MXRA8: variants seen among roughly 807,000 people sequenced by gnomAD.
The protein encoded by MXRA8 is matrix remodeling-associated protein 8.
Under a neutral mutation model 51.4 loss-of-function variants are expected in MXRA8, and 44 were observed. The observed-to-expected ratio is 0.86, with a 90% CI of 0.67 to 1.10. MXRA8 has a LOEUF of 1.10. Among genes scored for constraint, MXRA8 ranks in the 50% least tolerant of loss-of-function variants. MXRA8 has a pLI of 0.00. For synonymous variants in MXRA8, 369 were observed against 293.5 expected (o/e 1.26, Z -2.63); for missense variants, 765 against 638.9 (o/e 1.20, Z -2.13).
chr1:1,356,956 C>G lies in MXRA8; in HGVS notation c.50-252G>C, dbSNP rs112254327. ...GGCCAGGGCCAGGCTCCAAGCCAGC[C>G]GGTTCTGGGGTGTGTGCTTGTCACC... is the stretch of plus-strand genomic sequence containing the variant. On this transcript the variant is annotated intron_variant, in intron 1 of 9. Coordinates refer to ENST00000309212, the MANE Select transcript of MXRA8 (RefSeq NM_032348.4). 2.4e-4 allele frequency among the ~76,000 whole-genome samples: 37 copies of G among 152,286 alleles called. 1 individual carries two copies. Among genetic ancestry groups the G allele is most frequent in the African/African-American group, 8.2e-4 (34 of 41,540 alleles).
At position 1,357,242 on chromosome 1, in the gene MXRA8, T is replaced by C. The variant is rs1252246890; in HGVS notation, c.50-538A>G. ...CGCGTTGCTGCTTGAGGGACTCTCA[T>C]TGTCGTAGGCCGCCTCGGCATCCAC... is the stretch of plus-strand genomic sequence containing the variant. On this transcript the variant is annotated intron_variant, in intron 1 of 9. Transcript: ENST00000309212. 2.6e-5 allele frequency among the ~76,000 whole-genome samples: 4 copies of C among 152,162 alleles called. No homozygotes were observed. The East Asian group carries it at 5.8e-4, about 22-fold the overall frequency.
upstream of MXRA8, among the ~76,000 whole-genome samples, chr1:1,360,370 G>A (rs569528631): frequency 2.6e-5 from 4 of 152,322 alleles, no homozygotes; most frequent in South Asian, 2.1e-4. Context: ...CTCCCTGTCC[G>A]GCCCTCAGTG....
chr1:1,358,840 C>A, upstream of MXRA8: 1 of 1,097,798 alleles, frequency 9.1e-7, no homozygotes, highest in Non-Finnish European at 1.1e-6. Flanking sequence ...AGGAGCCTCC[C>A]GGGCCTGTGG....
Position 1,355,009 on chromosome 1 carries a change from C to T in MXRA8, c.622G>A (p.Asp208Asn), listed in dbSNP as rs1644092209. 6.2e-7 allele frequency: 1 copy of T among 1,605,322 alleles called. No homozygotes were observed. The change falls in exon 5 of 10, where the codon GAC becomes AAC. Residue 208 changes from aspartate to asparagine, a missense_variant. Asp to Asn is a conservative substitution (Grantham distance 23). Transcript: ENST00000309212. ...TGCGGGACCCCGGGCGGCTGCCGGTCCCAGTGCACCACCTGTTGAGCCTCC... is the reference window on the plus strand; with the variant it reads ...TGCGGGACCCCGGGCGGCTGCCGGTTCCAGTGCACCACCTGTTGAGCCTCC... ...VEEAQQVVHWDRQPPGVPHDR... is the reference protein window; with the variant it reads ...VEEAQQVVHWNRQPPGVPHDR...
rs1644063612 is a variant in MXRA8, at chr1:1,354,046, A to C, written c.1206T>G (p.Ser402Arg). The change falls in exon 8 of 10, where the codon AGT (serine) becomes AGG (arginine). Residue 402 changes from serine (S) to arginine (R), a missense_variant. Physicochemically the swap from Ser to Arg is moderately radical, Grantham distance 110. Transcript: ENST00000309212. ...VAAGDQMLYRSEDIQLDYKNN... is the reference protein window; with the variant it reads ...VAAGDQMLYRREDIQLDYKNN... The stretch of plus-strand genomic sequence containing the variant: ...CTGCCTCACCTAGCTGGATGTCCTC[A>C]CTCCTGTAAAGCATCTGGTCCCCTG... 1.9e-6 allele frequency: 3 copies of C among 1,612,172 alleles called. No individual in the cohort carries two copies. The highest frequency in any genetic ancestry group is 2.5e-6 in the Non-Finnish European group (3 of 1,179,840).
chr1:1,362,169 GGA>G (rs1240373672), upstream of MXRA8, among the ~76,000 whole-genome samples: 1 of 152,156 alleles, frequency 6.6e-6, no homozygotes, highest in Non-Finnish European at 1.5e-5. Flanking sequence ...GGCTGTCTGT[GGA>G]TCCCAGATCG....
chr1:1,359,816 C>A (rs1557687317), upstream of MXRA8, among the ~76,000 whole-genome samples: 1 of 152,236 alleles, frequency 6.6e-6, no homozygotes, highest in Non-Finnish European at 1.5e-5. Flanking sequence ...CATCCCGCCA[C>A]CCCCACTCCC....
At position 1,353,938 on chromosome 1, in the gene MXRA8, G is replaced by C. The variant is rs769307932; in HGVS notation, c.1223-10C>G. On this transcript the variant is annotated splice_polypyrimidine_tract_variant and intron_variant, in intron 8 of 9. Coordinates refer to ENST00000309212, the MANE Select transcript of MXRA8 (RefSeq NM_032348.4). The stretch of plus-strand genomic sequence containing the variant: ...ATGTTGTTTTTGTAATCTGTGGGAG[G>C]AGAGGAGGCTGAGGTCCCCGCTCCC... 1 of 1,609,128 alleles carries C rather than the reference G, an allele frequency of 6.2e-7. No homozygotes were observed. The highest frequency in any genetic ancestry group is 8.5e-7 in the Non-Finnish European group (1 of 1,177,980).
rs753146996 is a variant in MXRA8, at chr1:1,354,492, C to A, written c.967G>T (p.Gly323Cys). 5.6e-6 allele frequency: 9 copies of A among 1,612,066 alleles called. No individual in the cohort carries two copies. In the Admixed American group the frequency reaches 1.0e-4, roughly 18 times the overall value. Reference protein sequence around the residue: ...APGPDPTLARGHNVINVIVPE... With the variant: ...APGPDPTLARCHNVINVIVPE... The stretch of plus-strand genomic sequence containing the variant: ...ACGATGACATTGATGACGTTGTGGC[C>A]GCGCGCCAGTGTGGGGTCTGCGGGG... Residue 323 changes from glycine (G) to cysteine (C), a missense_variant, in exon 6 of 10, where the codon GGC becomes TGC. Coordinates refer to ENST00000309212, the MANE Select transcript of MXRA8 (RefSeq NM_032348.4).
Position 1,354,073 on chromosome 1 carries a change from A to C in MXRA8, c.1179T>G (p.Ala393=), listed in dbSNP as rs991573019. 6.2e-7 allele frequency: 1 copy of C among 1,612,872 alleles called. No homozygotes were observed. The highest frequency in any genetic ancestry group is 8.5e-7 in the Non-Finnish European group (1 of 1,179,996). ...TCCTGTAAAGCATCTGGTCCCCTGC[A>C]GCCACAGCGAACTCCGCCAAGTTAA... ...KDVNLAEFAV[A]AGDQMLYRSE... The change falls in exon 8 of 10, where the codon GCT becomes GCG. Residue 393 remains alanine, a synonymous_variant. Coordinates refer to ENST00000309212, the MANE Select transcript of MXRA8 (RefSeq NM_032348.4).
Position 1,354,876 on chromosome 1 carries a change from C to A in MXRA8, c.755G>T (p.Arg252Leu). ...RVAVGADAFE[R>L]GDFSLRIEPL... The stretch of plus-strand genomic sequence containing the variant: ...CTCGATACGCAGTGAGAAGTCACCG[C>A]GCTCAAAGGCATCCGCGCCCACAGC... The change falls in exon 5 of 10, where the codon CGC becomes CTC. Residue 252 changes from arginine (R) to leucine (L), a missense_variant. Physicochemically the swap from Arg to Leu is moderately radical, Grantham distance 102. Coordinates refer to ENST00000309212, the MANE Select transcript of MXRA8 (RefSeq NM_032348.4). 6.2e-7 allele frequency: 1 copy of A among 1,611,768 alleles called. No homozygotes were observed. Among genetic ancestry groups the A allele is most frequent in the Non-Finnish European group, 8.5e-7 (1 of 1,179,546 alleles).
At chr1:1,356,584 G>A in intron 2 of MXRA8, 97 bp downstream of exon 2, 3 of 822,460 alleles carry the variant, frequency 3.6e-6, no homozygotes, top group Non-Finnish European at 5.1e-6. Flanking sequence ...ATCAGTGGGG[G>A]AGGGGCAGGG....
intron 2 of MXRA8, 46 bp downstream of exon 2, chr1:1,356,635 G>A (rs765207367): frequency 3.1e-6 from 4 of 1,294,346 alleles, no homozygotes; most frequent in East Asian, 3.0e-5. Context: ...AGATAGGAGG[G>A]GCTGAGGGGG....
chr1:1,354,525 G>T lies in MXRA8; in HGVS notation c.950-16C>A. The stretch of plus-strand genomic sequence containing the variant: ...AGTGTGGGGTCTGCGGGGAACGCGG[G>T]GTCGGGGCGGCGTCAGGTACCAGCA... On this transcript the variant is annotated splice_polypyrimidine_tract_variant and intron_variant, in intron 5 of 9. Coordinates refer to ENST00000309212, the MANE Select transcript of MXRA8 (RefSeq NM_032348.4). The T allele has an allele frequency of 6.2e-7, 1 of 1,609,370 alleles. No homozygotes were observed. Among genetic ancestry groups the T allele is most frequent in the Non-Finnish European group, 8.5e-7 (1 of 1,178,288 alleles).
intron 6 of MXRA8, 51 bp downstream of exon 6, chr1:1,354,303 C>T (rs937232377): frequency 1.2e-5 from 19 of 1,598,476 alleles, no homozygotes; most frequent in Non-Finnish European, 1.5e-5. Context: ...GGACCACCCT[C>T]CCGCCCACCT....
Position 1,354,843 on chromosome 1 carries a change from T to A in MXRA8, c.788A>T (p.Glu263Val), listed in dbSNP as rs1268002914. Residue 263 changes from glutamate to valine, a missense_variant, in exon 5 of 10, where the codon GAG becomes GTG. Glu to Val is a moderately radical substitution (Grantham distance 121). Coordinates refer to ENST00000309212, the MANE Select transcript of MXRA8 (RefSeq NM_032348.4). ...GGAGTAGGTGCCCTCGTCGGCGACC[T>A]CCAGCGGCTCGATACGCAGTGAGAA... ...GDFSLRIEPL[E>V]VADEGTYSCH... The A allele has an allele frequency of 6.2e-7, 1 of 1,611,908 alleles. No homozygotes were observed. The highest frequency in any genetic ancestry group is 1.3e-5 in the African/African-American group (1 of 74,864).
chr1:1,361,205 C>G (rs780307622), upstream of MXRA8: 10 of 703,188 alleles, frequency 1.4e-5, no homozygotes, highest in Non-Finnish European at 5.2e-6. Flanking sequence ...GAGACACACA[C>G]AGACACACAT....
At chr1:1,361,567 G>A, upstream of MXRA8, 1 of 489,494 alleles carries the variant, frequency 2.0e-6, no homozygotes, top group East Asian at 3.6e-5. Flanking sequence ...GCCAGGAGTG[G>A]TCTTGGGACG....
chr1:1,357,848 C>T lies in MXRA8; in HGVS notation c.49+608G>A, dbSNP rs572739703. Among the ~76,000 whole-genome samples, 202 of 152,310 alleles carry T rather than the reference C, an allele frequency of 1.3e-3. 4 individuals carry two copies. The highest frequency in any genetic ancestry group is 2.0e-3 in the Non-Finnish European group (137 of 68,014). The stretch of plus-strand genomic sequence containing the variant: ...GAGGGAAACCTGTATGCAGAACGCC[C>T]TGATCCCAATAAAGGGTTGGCCTGG... On this transcript the variant is annotated intron_variant, in intron 1 of 9. Transcript: ENST00000309212.
Sources: allele counts gnomAD v4.1 joint callset (sites outside exome capture counted in the v4.1 genomes callset), GRCh38; gene constraint gnomAD v4.1.1; transcripts MANE v1.5; gene names NCBI Gene and HGNC (gene_info 2026-07-23, HGNC 2026-07-21).